Variants in ZFHX3 observed in about 807,000 individuals in gnomAD.
ZFHX3 encodes zinc finger homeobox 3.
Under a neutral mutation model 279.1 loss-of-function variants are expected in ZFHX3, and 42 were observed. The observed-to-expected ratio is 0.15, with a 90% CI of 0.12 to 0.19. ZFHX3 has a LOEUF of 0.19. Among genes scored for constraint, ZFHX3 ranks in the 10% least tolerant of loss-of-function variants. The pLI is 1.00. For synonymous variants in ZFHX3, 2,293 were observed against 1,957.8 expected (o/e 1.17, Z -4.52); for missense variants, 4,981 against 4,754.0 (o/e 1.05, Z -1.40).
intron 2 of ZFHX3, among the ~76,000 whole-genome samples, chr16:73,516,190 C>T (rs1437020235): frequency 2.0e-5 from 3 of 152,238 alleles, no homozygotes; most frequent in South Asian, 2.1e-4. Flanking sequence ...ATAATCACTG[C>T]GAGAAAAGAG....
intron 4 of ZFHX3, among the ~76,000 whole-genome samples, chr16:73,268,721 G>C (rs2014054806): frequency 6.6e-6 from 1 of 152,174 alleles, no homozygotes; most frequent in African/African-American, 2.4e-5. Flanking sequence ...TTAAAATGAG[G>C]GGTTGGTGCA....
chr16:73,363,651 T>A (rs2016473393), intron 3 of ZFHX3, among the ~76,000 whole-genome samples: 1 of 152,128 alleles, frequency 6.6e-6, no homozygotes, highest in African/African-American at 2.4e-5. Context: ...AATTATGCAA[T>A]ATTCTTAATT....
At chr16:72,976,031 C>G (rs896137089) in intron 1 of ZFHX3, among the ~76,000 whole-genome samples, 4 of 152,144 alleles carry the variant, frequency 2.6e-5, no homozygotes, top group Non-Finnish European at 4.4e-5. Context: ...ATTGCCAGCT[C>G]AAGTCATAAA....
intron 5 of ZFHX3, among the ~76,000 whole-genome samples, chr16:73,198,670 G>C (rs1968204454): frequency 6.6e-6 from 1 of 152,140 alleles, no homozygotes; most frequent in Non-Finnish European, 1.5e-5. Context: ...AGATTCAGTT[G>C]GTGGCTCATC....
intron 2 of ZFHX3, among the ~76,000 whole-genome samples, chr16:73,588,132 G>A (rs2051946770): frequency 6.6e-6 from 1 of 152,024 alleles, no homozygotes; most frequent in South Asian, 2.1e-4. Flanking sequence ...TAGGACTTTA[G>A]GAAACATTCC....
intron 5 of ZFHX3, among the ~76,000 whole-genome samples, chr16:72,827,743 C>G (rs1291415100): frequency 2.0e-5 from 3 of 152,200 alleles, no homozygotes; most frequent in African/African-American, 7.2e-5. Context: ...ACTCCTCGGT[C>G]CTACCTTACA....
chr16:73,446,756 A>G (rs559537338), intron 3 of ZFHX3, among the ~76,000 whole-genome samples: 226 of 152,276 alleles, frequency 1.5e-3, no homozygotes, highest in Non-Finnish European at 1.9e-3. Flanking sequence ...GAAAGGAGGG[A>G]GAGAATCAGC....
intron 3 of ZFHX3, among the ~76,000 whole-genome samples, chr16:73,325,017 G>A (rs116669749): frequency 0.014 from 2,082 of 152,204 alleles, 41 homozygotes; most frequent in African/African-American, 0.048. Flanking sequence ...TTTGTATAGC[G>A]CTTTTGGAAT....
intron 7 of ZFHX3, among the ~76,000 whole-genome samples, chr16:73,108,421 GTTTTGAGGGTATTGC>G (rs915972784): frequency 1.8e-4 from 28 of 151,966 alleles, no homozygotes; most frequent in African/African-American, 6.5e-4. Context: ...TTTTTTGTTT[GTTTTGAGGGTATTGC>G]TCTGTTGCCT....
chr16:73,343,716 C>T (rs1345073085), intron 3 of ZFHX3, among the ~76,000 whole-genome samples: 1 of 152,142 alleles, frequency 6.6e-6, no homozygotes, highest in Non-Finnish European at 1.5e-5. Context: ...GAGATCCCAT[C>T]TCTAAAGCAA....
At chr16:73,242,642 C>A (rs1000718401) in intron 5 of ZFHX3, among the ~76,000 whole-genome samples, 3 of 152,320 alleles carry the variant, frequency 2.0e-5, no homozygotes, top group Middle Eastern at 6.8e-3. Context: ...TTGCAAGATG[C>A]TCCCTTGGAA....
intron 2 of ZFHX3, among the ~76,000 whole-genome samples, chr16:73,534,549 C>G (rs1198139144): frequency 6.6e-6 from 1 of 152,202 alleles, no homozygotes; most frequent in African/African-American, 2.4e-5. Context: ...ATTTTGCTCA[C>G]TGATAGATCT....
chr16:73,447,006 C>G (rs1386477124), intron 3 of ZFHX3, among the ~76,000 whole-genome samples: 1 of 151,844 alleles, frequency 6.6e-6, no homozygotes, highest in Non-Finnish European at 1.5e-5. Flanking sequence ...CAGTGAAACA[C>G]CATCTCTACT....
chr16:73,033,055 A>G (rs11646668), intron 1 of ZFHX3, among the ~76,000 whole-genome samples: 132,624 of 152,024 alleles, frequency 0.87, 58,053 homozygotes, highest in African/African-American at 0.95. Context: ...CAACCCACTC[A>G]AGTTTCTCCC....
chr16:73,045,323 C>T (rs1053096340), intron 1 of ZFHX3, among the ~76,000 whole-genome samples: 7 of 152,192 alleles, frequency 4.6e-5, no homozygotes, highest in Non-Finnish European at 1.0e-4. Flanking sequence ...AAAGATGAGC[C>T]AGGCCGGTCC....
intron 7 of ZFHX3, among the ~76,000 whole-genome samples, chr16:73,119,547 C>A (rs1966472268): frequency 6.6e-6 from 1 of 152,210 alleles, no homozygotes; most frequent in Non-Finnish European, 1.5e-5. Flanking sequence ...TCATTATGCT[C>A]CTGAGCGCTT....
At chr16:73,267,109 G>A (rs754055747) in intron 4 of ZFHX3, among the ~76,000 whole-genome samples, 9 of 152,164 alleles carry the variant, frequency 5.9e-5, no homozygotes, top group Non-Finnish European at 1.2e-4. Context: ...ACAGCCTCAG[G>A]GCTGTGGTGT....
rs56783722 is a variant in ZFHX3, at chr16:73,293,986, C to CAAAAAAAAA, written c.-1194+24245_-1194+24253dup. 11 of 41,744 alleles carry CAAAAAAAAA rather than the reference C, an allele frequency of 2.6e-4. 1 individual carries two copies. The highest frequency in any genetic ancestry group is 3.2e-4 in the Non-Finnish European group (7 of 22,168). The allele number at this position is 41,744 out of a possible 1,614,324, so 2.6% of individuals were successfully genotyped here. ...TCCTTGGCTTTCTAAGTCAATATGC[C>CAAAAAAAAA]AAAAAAAAAAAAAAAAAAAAAAAAA... On this transcript the variant is annotated intron_variant, in intron 4 of 17. Transcript: ENST00000641206.
chr16:73,598,888 G>A (rs562297092), intron 2 of ZFHX3, among the ~76,000 whole-genome samples: 18 of 152,238 alleles, frequency 1.2e-4, no homozygotes, highest in African/African-American at 3.4e-4. Context: ...TCAGCCTACC[G>A]AGTAGCTGGG....
Sources: allele counts gnomAD v4.1 joint callset (sites outside exome capture counted in the v4.1 genomes callset), GRCh38; gene constraint gnomAD v4.1.1; transcripts MANE v1.5; gene names NCBI Gene and HGNC (gene_info 2026-07-23, HGNC 2026-07-21).